The following FOXN4 variants were observed in gnomAD, a reference collection of about 807,000 sequenced individuals.
FOXN4 encodes forkhead box N4.
A neutral mutation model predicts 45.0 loss-of-function variants in FOXN4; 12 were observed. The observed-to-expected ratio is 0.27, with a 90% CI of 0.17 to 0.43. The LOEUF (loss-of-function observed/expected upper bound fraction) is 0.43. FOXN4 is among the 20% of genes least tolerant of loss of function. The pLI is 1.00. For synonymous variants in FOXN4, 297 were observed against 295.0 expected, an observed-to-expected ratio of 1.01 and a Z score of -0.07; for missense variants, 560 against 694.9, an observed-to-expected ratio of 0.81 and a Z score of 2.18.
intron 3 of FOXN4, among the ~76,000 whole-genome samples, chr12:109,289,552 A>G (rs1043945827): frequency 3.3e-5 from 5 of 152,116 alleles, no homozygotes. Flanking sequence ...GCTTTTCTTC[A>G]ATACTTTCTG....
chr12:109,302,840 GT>G, intron 2 of FOXN4, among the ~76,000 whole-genome samples: 1 of 152,214 alleles, frequency 6.6e-6, no homozygotes. Flanking sequence ...TTGAGATGTG[GT>G]GGGTAAGAAA....
chr12:109,293,189 C>CCTCTTACTT (rs2047785195), intron 2 of FOXN4, among the ~76,000 whole-genome samples: 1 of 152,206 alleles, frequency 6.6e-6, no homozygotes, highest in South Asian at 2.1e-4. Flanking sequence ...CTGGACCCCA[C>CCTCTTACTT]CTCTTACTTT....
Position 109,291,769 on chromosome 12 carries a change from G to A in FOXN4, c.87-1483C>T, listed in dbSNP as rs537111605. 3.5e-4 allele frequency among the ~76,000 whole-genome samples: 53 copies of A among 152,200 alleles called. No homozygotes were observed. The highest frequency in any genetic ancestry group is 1.2e-3 in the African/African-American group (49 of 41,536). On this transcript the variant is annotated intron_variant, in intron 2 of 9. Transcript: ENST00000299162. This position sits in a 1 kb window ranked among gnomAD's most constrained non-coding sequence, Gnocchi z 6.6. ...TCATAGGGAAACAGGGCCTGGAAAC[G>A]ATTTGAAAACGCGGCCGGCCGGCCG... is the stretch of plus-strand genomic sequence containing the variant.
chr12:109,297,618 G>A (rs561009776), intron 2 of FOXN4, among the ~76,000 whole-genome samples: 8 of 152,210 alleles, frequency 5.3e-5, no homozygotes, highest in East Asian at 1.9e-4. Flanking sequence ...GATTACAGGC[G>A]TGAGCCACGG....
chr12:109,295,474 G>A (rs1468645775), intron 2 of FOXN4, among the ~76,000 whole-genome samples: 2 of 152,154 alleles, frequency 1.3e-5, no homozygotes, highest in Non-Finnish European at 2.9e-5. Flanking sequence ...AGGAGGCTTT[G>A]AGAAGAATCA....
chr12:109,298,008 G>A (rs555956844), intron 2 of FOXN4, among the ~76,000 whole-genome samples: 33 of 152,086 alleles, frequency 2.2e-4, no homozygotes, highest in African/African-American at 7.5e-4. Flanking sequence ...CCATCTTGAT[G>A]GAAAAAATCT....
At chr12:109,293,939 C>T (rs1380255086) in intron 2 of FOXN4, among the ~76,000 whole-genome samples, 2 of 152,212 alleles carry the variant, frequency 1.3e-5, no homozygotes, top group African/African-American at 2.4e-5. Flanking sequence ...GGCAGCCCCA[C>T]TTCACAGAGG....
chr12:109,305,274 G>C (rs2047911063), intron 2 of FOXN4, among the ~76,000 whole-genome samples: 1 of 152,178 alleles, frequency 6.6e-6, no homozygotes, highest in Admixed American at 6.5e-5. Context: ...TCATGGGGTG[G>C]TTTTGGGGAT....
intron 8 of FOXN4, 88 bp from the exon 9 acceptor site, chr12:109,281,887 A>C: frequency 1.4e-6 from 2 of 1,412,116 alleles, no homozygotes; most frequent in East Asian, 2.5e-5. Context: ...CAGTGTCACC[A>C]CCTGTGTGAC....
In FOXN4 at chr12:109,281,363, C is replaced by T. The variant is rs1390417514; in HGVS notation, c.1294+44G>A. The T allele has an allele frequency of 2.5e-6, 4 of 1,602,600 alleles. No individual in the cohort carries two copies. The East Asian group carries it at 8.9e-5, about 36-fold the overall frequency. On this transcript the variant is annotated intron_variant, in intron 9 of 9. Transcript: ENST00000299162. ...CACTCCCTTTGGCCCCCGGGCCTCT[C>T]CCCTCCCCATTCCATTCCCATCACT...
chr12:109,307,119 C>T (rs886602461), intron 2 of FOXN4, among the ~76,000 whole-genome samples: 2 of 152,240 alleles, frequency 1.3e-5, no homozygotes, highest in African/African-American at 4.8e-5. Flanking sequence ...TCTGTGTCCT[C>T]GTTTGGATCT....
At chr12:109,283,925 A>G (rs1300585513) in intron 8 of FOXN4, among the ~76,000 whole-genome samples, 2 of 152,226 alleles carry the variant, frequency 1.3e-5, no homozygotes, top group East Asian at 3.8e-4. Context: ...TTTGTGATGG[A>G]TAACTTTGTT....
intron 2 of FOXN4, among the ~76,000 whole-genome samples, chr12:109,300,991 A>G (rs1217381673): frequency 6.6e-6 from 1 of 152,154 alleles, no homozygotes; most frequent in Non-Finnish European, 1.5e-5. Context: ...TTGTCAGGGG[A>G]CCCTGTGGTA....
Position 109,286,730 on chromosome 12 carries a change from A to AT in FOXN4, c.610dup (p.Met204AsnfsTer98). 6.2e-7 allele frequency: 1 copy of AT among 1,606,242 alleles called. No homozygotes were observed. The highest frequency in any genetic ancestry group is 8.5e-7 in the Non-Finnish European group (1 of 1,179,366). On this transcript the variant is annotated frameshift_variant, in exon 7 of 10. Transcript: ENST00000299162. LOFTEE classifies it high-confidence loss of function. ...GCCTGTCTTGCTGTTCTTCAGGGCC[A>AT]TGGCGATCAGACAGCTGGGGGCAGG... is the stretch of plus-strand genomic sequence containing the variant.
At chr12:109,299,332 C>T (rs1225745606) in intron 2 of FOXN4, among the ~76,000 whole-genome samples, 1 of 152,094 alleles carries the variant, frequency 6.6e-6, no homozygotes, top group Non-Finnish European at 1.5e-5. Context: ...CACGCATGCA[C>T]ACTACGCACA....
In FOXN4 at chr12:109,291,593, T is replaced by C. The variant is rs957005166; in HGVS notation, c.87-1307A>G. On this transcript the variant is annotated intron_variant, in intron 2 of 9. Coordinates refer to ENST00000299162, the MANE Select transcript of FOXN4 (RefSeq NM_213596.3). This position sits in a 1 kb window ranked among gnomAD's most constrained non-coding sequence, Gnocchi z 6.6. ...CCCTCTCCCTCCTCCTCCCTGTCTC[T>C]CTCTCTGCTCCTCCCCATCTCTCCC... Among the ~76,000 whole-genome samples the C allele has an allele frequency of 2.6e-5, 4 of 151,696 alleles. No individual in the cohort carries two copies. The highest frequency in any genetic ancestry group is 9.7e-5 in the African/African-American group (4 of 41,262).
intron 2 of FOXN4, among the ~76,000 whole-genome samples, chr12:109,305,382 G>C (rs201099629): frequency 6.6e-6 from 1 of 151,678 alleles, no homozygotes; most frequent in Non-Finnish European, 1.5e-5. Context: ...TATTATTGTT[G>C]TTATTATTAT....
intron 2 of FOXN4, among the ~76,000 whole-genome samples, chr12:109,307,990 A>T (rs1018250419): frequency 6.6e-6 from 1 of 152,152 alleles, no homozygotes; most frequent in Admixed American, 6.5e-5. Context: ...ACAGTATCAA[A>T]TGCAGAAACG....
intron 2 of FOXN4, among the ~76,000 whole-genome samples, chr12:109,302,150 A>G (rs2047874205): frequency 6.6e-6 from 1 of 152,194 alleles, no homozygotes; most frequent in South Asian, 2.1e-4. Context: ...TGTGTCTTAC[A>G]CCTCATTACA....
Sources: gnomAD v4.1 joint callset for allele counts (sites outside exome capture counted in the v4.1 genomes callset) on GRCh38, gnomAD v4.1.1 for gene constraint, Gnocchi (gnomAD v3.1) non-coding constraint, MANE v1.5 for transcripts, NCBI Gene and HGNC (gene_info 2026-07-23, HGNC 2026-07-21) for gene names.